The following EFNA5 variants were observed in gnomAD, a reference collection of about 807,000 sequenced individuals.
EFNA5 encodes ephrin A5.
EFNA5 carries 5 observed loss-of-function variants against 22.9 expected under a neutral mutation model. The ratio of observed to expected loss-of-function variants is 0.22; its 90% confidence interval spans 0.11 to 0.46. The LOEUF is 0.46. EFNA5 is among the 20% of genes least tolerant of loss of function. The probability of loss-of-function intolerance (pLI) is 0.99; values close to 1 mark genes in which losing one functional copy is unlikely to be tolerated. For missense variants in EFNA5, 237 were observed against 293.3 expected (o/e 0.81, Z 1.40); for synonymous variants, 113 against 112.2 (o/e 1.01, Z -0.04).
At chr5:107,587,072 A>G (rs1358118409) in intron 1 of EFNA5, among the ~76,000 whole-genome samples, 1 of 152,226 alleles carries the variant, frequency 6.6e-6, no homozygotes, top group Non-Finnish European at 1.5e-5. Context: ...ATTTTCACCT[A>G]TGTCTCAGTA....
chr5:107,574,387 TCTGA>T (rs1361197853), intron 1 of EFNA5, among the ~76,000 whole-genome samples: 3 of 151,900 alleles, frequency 2.0e-5, no homozygotes, highest in Non-Finnish European at 4.4e-5. Flanking sequence ...TTCAATAAGC[TCTGA>T]CTGATACCAA....
intron 1 of EFNA5, among the ~76,000 whole-genome samples, chr5:107,507,777 G>C (rs1431740036): frequency 6.6e-6 from 1 of 152,112 alleles, no homozygotes; most frequent in Non-Finnish European, 1.5e-5. Context: ...GTCGTATTTT[G>C]GATATGCTGA....
chr5:107,666,029 A>C (rs1751058468), intron 1 of EFNA5, among the ~76,000 whole-genome samples: 4 of 152,162 alleles, frequency 2.6e-5, no homozygotes, highest in Non-Finnish European at 4.4e-5. Context: ...TTACTTGAAA[A>C]ACATTTATGT....
chr5:107,495,383 A>C (rs1297195546), intron 1 of EFNA5, among the ~76,000 whole-genome samples: 1 of 152,112 alleles, frequency 6.6e-6, no homozygotes, highest in Non-Finnish European at 1.5e-5. Context: ...AGAAGGAAGA[A>C]ACTCTGAACA....
intron 1 of EFNA5, among the ~76,000 whole-genome samples, chr5:107,507,880 T>C (rs549132050): frequency 6.6e-5 from 10 of 152,226 alleles, no homozygotes; most frequent in Non-Finnish European, 1.2e-4. Flanking sequence ...GGCTCACATA[T>C]TTCTATTGGA....
chr5:107,514,005 C>T (rs147055843), intron 1 of EFNA5, among the ~76,000 whole-genome samples: 44 of 152,254 alleles, frequency 2.9e-4, no homozygotes, highest in African/African-American at 7.5e-4. Context: ...ACCAGGACCA[C>T]GGGGGTAGAA....
intron 1 of EFNA5, among the ~76,000 whole-genome samples, chr5:107,656,563 T>A (rs1750829557): frequency 6.6e-6 from 1 of 152,090 alleles, no homozygotes; most frequent in Non-Finnish European, 1.5e-5. Context: ...ATATATAAAG[T>A]GAGATTCACA....
At chr5:107,660,373 C>G (rs1750927588) in intron 1 of EFNA5, among the ~76,000 whole-genome samples, 1 of 139,870 alleles carries the variant, frequency 7.1e-6, no homozygotes, top group Non-Finnish European at 1.5e-5. Context: ...ATATTAATGA[C>G]AAGCATATGG....
intron 1 of EFNA5, among the ~76,000 whole-genome samples, chr5:107,670,201 T>C (rs1751160963): frequency 6.6e-6 from 1 of 152,020 alleles, no homozygotes; most frequent in Admixed American, 6.5e-5. Flanking sequence ...GAGAAGTCCC[T>C]ACTCCCCGGC....
chr5:107,623,729 A>C (rs1208855046), intron 1 of EFNA5, among the ~76,000 whole-genome samples: 1 of 151,340 alleles, frequency 6.6e-6, no homozygotes, highest in Non-Finnish European at 1.5e-5. Flanking sequence ...AACAACTACC[A>C]CTTTGCCAAT....
chr5:107,452,275 G>A (rs1371234641), intron 1 of EFNA5, among the ~76,000 whole-genome samples: 1 of 151,928 alleles, frequency 6.6e-6, no homozygotes, highest in Non-Finnish European at 1.5e-5. Flanking sequence ...AAACCACCAT[G>A]GCACACGTAT....
intron 1 of EFNA5, among the ~76,000 whole-genome samples, chr5:107,489,666 C>CA (rs1554062629): frequency 4.7e-5 from 7 of 147,592 alleles, no homozygotes; most frequent in Non-Finnish European, 1.1e-4. Context: ...ACCTACCCCC[C>CA]CCACCAAGAT....
At chr5:107,670,004 G>A (rs1350505644) in intron 1 of EFNA5, among the ~76,000 whole-genome samples, 1 of 148,142 alleles carries the variant, frequency 6.8e-6, no homozygotes. Context: ...TGCGCGCACC[G>A]GGAAAAGAGA....
chr5:107,654,086 G>A (rs1463466584), intron 1 of EFNA5, among the ~76,000 whole-genome samples: 1 of 152,052 alleles, frequency 6.6e-6, no homozygotes, highest in African/African-American at 2.4e-5. Context: ...GCAGTAGATT[G>A]GAAAGGTTAA....
chr5:107,607,813 C>T (rs186642052), intron 1 of EFNA5, among the ~76,000 whole-genome samples: 41 of 152,262 alleles, frequency 2.7e-4, no homozygotes, highest in Admixed American at 1.2e-3. Context: ...ACCTTGCTTA[C>T]GGTGCATGAC....
In EFNA5 at chr5:107,427,506, G is replaced by A; in HGVS notation, c.129C>T (p.Phe43=). 1 of 1,577,802 alleles carries A rather than the reference G, an allele frequency of 6.3e-7. No homozygotes were observed. Among genetic ancestry groups the A allele is most frequent in the South Asian group, 1.2e-5 (1 of 85,646 alleles). ...CATCAATATGGTAGTCACCCCTCTG[G>A]AATCTGTTAGAAAAAGAAAAAAAAA... is the stretch of plus-strand genomic sequence containing the variant. The part of the protein sequence containing the change: ...AVYWNSSNPR[F]QRGDYHIDVC... Residue 43 remains phenylalanine (F), a synonymous_variant, in exon 2 of 5, where the codon TTC becomes TTT. Coordinates refer to ENST00000333274, the MANE Select transcript of EFNA5 (RefSeq NM_001962.3).
intron 2 of EFNA5, among the ~76,000 whole-genome samples, chr5:107,417,942 G>A (rs1268893237): frequency 6.6e-6 from 1 of 152,172 alleles, no homozygotes; most frequent in East Asian, 1.9e-4. Flanking sequence ...TATTTCTTCT[G>A]ATGAAAGGCC....
At chr5:107,400,764 T>C (rs1289653447) in intron 2 of EFNA5, among the ~76,000 whole-genome samples, 1 of 151,734 alleles carries the variant, frequency 6.6e-6, no homozygotes, top group Non-Finnish European at 1.5e-5. Flanking sequence ...TCCAGAAACT[T>C]GAGATCTTCA....
Position 107,670,792 on chromosome 5 carries a change from G to T in EFNA5, c.-179C>A. On this transcript the variant is annotated 5_prime_UTR_variant, in exon 1 of 5. Transcript: ENST00000333274. ...CCCACCAAGCTGGGGAGGGGTAGGA[G>T]AGCGAGAAGAAAAGAAGGCGGTGGG... 1.3e-6 allele frequency: 1 copy of T among 799,050 alleles called. No individual in the cohort carries two copies. Among genetic ancestry groups the T allele is most frequent in the Admixed American group, 3.0e-5 (1 of 33,838 alleles). The allele number at this position is 799,050 out of a possible 1,614,324, so 49.5% of individuals were successfully genotyped here.
Sources: gnomAD v4.1 joint callset for allele counts (sites outside exome capture counted in the v4.1 genomes callset) on GRCh38, gnomAD v4.1.1 for gene constraint, MANE v1.5 for transcripts, NCBI Gene and HGNC (gene_info 2026-07-23, HGNC 2026-07-21) for gene names.